BRAF: variants seen among roughly 807,000 people sequenced by gnomAD.
BRAF encodes serine/threonine-protein kinase B-raf.
A neutral mutation model predicts 104.6 loss-of-function variants in BRAF; 16 were observed. The observed-to-expected ratio is 0.15, with a 90% CI of 0.10 to 0.23. The LOEUF is 0.23. Among genes scored for constraint, BRAF ranks in the 10% least tolerant of loss-of-function variants. The pLI, the probability that BRAF is intolerant of heterozygous loss-of-function variation, is 1.00. For missense variants in BRAF, 541 were observed against 937.3 expected (o/e 0.58, Z 5.52); for synonymous variants, 310 against 341.6 (o/e 0.91, Z 1.02).
chr7:140,725,034 C>T lies in BRAF; in HGVS notation c.*1460G>A. ...ATGACAGCTTTCCCACACCCTCCCT[C>T]AGTCCTAATATCCCTAAAATTGCTC... On this transcript the variant is annotated 3_prime_UTR_variant, in exon 20 of 20. Transcript: ENST00000644969. 1 of 1,047,252 alleles carries T rather than the reference C, an allele frequency of 9.5e-7. No homozygotes were observed. The highest frequency in any genetic ancestry group is 1.2e-6 in the Non-Finnish European group (1 of 867,892). The allele number at this position is 1,047,252 out of a possible 1,614,324, so 64.9% of individuals were successfully genotyped here.
rs60187684 is a variant in BRAF, at chr7:140,828,425, T to C, written c.504+6184A>G. Among the ~76,000 whole-genome samples the C allele has an allele frequency of 7.3e-3, 1,109 of 152,322 alleles. 26 individuals are homozygous for C. The East Asian group carries it at 0.074, about 10-fold the overall frequency. On this transcript the variant is annotated intron_variant, in intron 3 of 19. Transcript: ENST00000644969. ...TTTTCACCCTCTATAGGTTTTTCTA[T>C]TGAGCTCAGCTATACATTTAAATAA...
intron 16 of BRAF, among the ~76,000 whole-genome samples, chr7:140,752,901 A>G (rs1797901367): frequency 6.6e-6 from 1 of 152,196 alleles, no homozygotes; most frequent in African/African-American, 2.4e-5. Flanking sequence ...TTTGAACACA[A>G]AATACTTTAA....
chr7:140,883,905 T>C (rs1026148300), intron 1 of BRAF, among the ~76,000 whole-genome samples: 13 of 152,182 alleles, frequency 8.5e-5, no homozygotes, highest in African/African-American at 3.1e-4. Context: ...AATGGTAAGG[T>C]TTAGCAGGTT....
At chr7:140,922,601 T>C (rs982546938) in intron 1 of BRAF, among the ~76,000 whole-genome samples, 3 of 152,162 alleles carry the variant, frequency 2.0e-5, no homozygotes, top group Non-Finnish European at 2.9e-5. Flanking sequence ...TCAAACAAGA[T>C]ACAATTCAAC....
chr7:140,763,184 C>T (rs1322983374), intron 14 of BRAF, among the ~76,000 whole-genome samples: 8 of 152,120 alleles, frequency 5.3e-5, no homozygotes. Flanking sequence ...GTAGGGGCGG[C>T]CGGGGAGAGG....
intron 1 of BRAF, among the ~76,000 whole-genome samples, chr7:140,874,690 A>G (rs1022072666): frequency 6.6e-6 from 1 of 152,116 alleles, no homozygotes; most frequent in East Asian, 1.9e-4. Flanking sequence ...CAGGTCTCCA[A>G]TTGATGTAGC....
rs1383453315 is a variant in BRAF, at chr7:140,764,507, T to G, written c.1815-10274A>C. ...CAATTAGGAAAAGAGGAAGTCAAAT[T>G]GTCCCTGTTTGCAGACGACATGATT... is the stretch of plus-strand genomic sequence containing the variant. On this transcript the variant is annotated intron_variant, in intron 14 of 19. Coordinates refer to ENST00000644969, the MANE Select transcript of BRAF (RefSeq NM_001374258.1). 6.1e-4 allele frequency among the ~76,000 whole-genome samples: 92 copies of G among 151,378 alleles called. 1 individual carries two copies. The highest frequency in any genetic ancestry group is 2.0e-3 in the African/African-American group (80 of 40,986).
At chr7:140,865,484 T>A (rs1386677724) in intron 1 of BRAF, among the ~76,000 whole-genome samples, 2 of 152,204 alleles carry the variant, frequency 1.3e-5, no homozygotes, top group East Asian at 3.9e-4. Flanking sequence ...CTACATTCAA[T>A]TGCCTAAGTG....
chr7:140,824,839 G>A (rs1341720274), intron 3 of BRAF, among the ~76,000 whole-genome samples: 4 of 152,042 alleles, frequency 2.6e-5, no homozygotes, highest in African/African-American at 9.7e-5. Flanking sequence ...GGCATGTAAG[G>A]GTATCGCGTG....
At chr7:140,773,108 T>G (rs1373510852) in intron 14 of BRAF, among the ~76,000 whole-genome samples, 4 of 152,084 alleles carry the variant, frequency 2.6e-5, no homozygotes, top group Non-Finnish European at 2.9e-5. Flanking sequence ...TTTTTGGAGG[T>G]GGGGTGAGGC....
chr7:140,765,524 G>A (rs1401710879), intron 14 of BRAF, among the ~76,000 whole-genome samples: 1 of 151,960 alleles, frequency 6.6e-6, no homozygotes, highest in African/African-American at 2.4e-5. Flanking sequence ...CCTACAAAAT[G>A]GGAGAAAATT....
chr7:140,899,387 G>A (rs1815338610), intron 1 of BRAF, among the ~76,000 whole-genome samples: 1 of 152,178 alleles, frequency 6.6e-6, no homozygotes, highest in South Asian at 2.1e-4. Context: ...AAACGCCTAA[G>A]AGTGAGTGGT....
chr7:140,920,750 C>T (rs539248111), intron 1 of BRAF, among the ~76,000 whole-genome samples: 46 of 152,062 alleles, frequency 3.0e-4, no homozygotes, highest in African/African-American at 1.1e-3. Context: ...GAGTGGATGC[C>T]TAAAGAAGGG....
intron 1 of BRAF, among the ~76,000 whole-genome samples, chr7:140,889,574 G>T (rs1430381615): frequency 6.6e-6 from 1 of 152,026 alleles, no homozygotes; most frequent in Non-Finnish European, 1.5e-5. Flanking sequence ...GAAGCTAACA[G>T]ATATCAGTGT....
intron 1 of BRAF, among the ~76,000 whole-genome samples, chr7:140,873,636 G>T (rs1481439103): frequency 6.6e-6 from 1 of 152,114 alleles, no homozygotes; most frequent in African/African-American, 2.4e-5. Context: ...GCAAGTTGGG[G>T]GCTTAATACA....
intron 3 of BRAF, chr7:140,823,686 T>C (rs1449342029): frequency 6.6e-6 from 1 of 152,190 alleles, no homozygotes; most frequent in Non-Finnish European, 1.5e-5. Flanking sequence ...AGAAGGAGAA[T>C]TGATGGATTA....
chr7:140,723,858 T>C lies in BRAF; in HGVS notation c.*2636A>G, dbSNP rs1421827880. The C allele has an allele frequency of 5.7e-6, 6 of 1,046,470 alleles. No individual in the cohort carries two copies. The Admixed American group carries it at 1.7e-4, about 29-fold the overall frequency. 64.8% of individuals were successfully genotyped at this position (1,046,470 alleles called of 1,614,324 possible). On this transcript the variant is annotated 3_prime_UTR_variant, in exon 20 of 20. Transcript: ENST00000644969. ...CACAAATAAGGACTTCTTCCTCGTT[T>C]TTTTAGGAGCTCAGTAAGTCTAACT...
In BRAF at chr7:140,924,923, G is replaced by C. The variant is rs1818730981; in HGVS notation, c.-220C>G. ...GGCGCAGCCGAGCCTGAGGGGATTG[G>C]GGGAAGGACGCTAGGCGGGGGTGCG... On this transcript the variant is annotated 5_prime_UTR_variant, in exon 1 of 20. Transcript: ENST00000644969. This position sits in a 1 kb window ranked among gnomAD's most constrained non-coding sequence, Gnocchi z 4.2. The C allele has an allele frequency of 6.3e-6, 1 of 157,698 alleles. No homozygotes were observed. Among genetic ancestry groups the C allele is most frequent in the South Asian group, 2.1e-4 (1 of 4,812 alleles). 9.8% of individuals were successfully genotyped at this position (157,698 alleles called of 1,614,324 possible).
At chr7:140,803,746 A>C (rs1218815504) in intron 5 of BRAF, among the ~76,000 whole-genome samples, 1 of 152,204 alleles carries the variant, frequency 6.6e-6, no homozygotes, top group East Asian at 1.9e-4. Context: ...GGAAGAATCT[A>C]TCCCACTAAA....
Sources: gnomAD v4.1 joint callset for allele counts (sites outside exome capture counted in the v4.1 genomes callset) on GRCh38, gnomAD v4.1.1 for gene constraint, Gnocchi (gnomAD v3.1) non-coding constraint, MANE v1.5 for transcripts, NCBI Gene and HGNC (gene_info 2026-07-23, HGNC 2026-07-21) for gene names.